The following GTF2F2 variants were observed in gnomAD, a reference collection of about 807,000 sequenced individuals.
GTF2F2 encodes the protein general transcription factor IIF subunit 2.
In GTF2F2, 23 loss-of-function variants were observed where a neutral mutation model predicts 42.2. The ratio of observed to expected loss-of-function variants is 0.55; its 90% CI spans 0.39 to 0.77. The LOEUF (loss-of-function observed/expected upper bound fraction) is 0.77. Among genes scored for constraint, GTF2F2 ranks in the 30% least tolerant of loss-of-function variants. The pLI is 0.00. For missense variants in GTF2F2, 261 were observed against 287.2 expected (o/e 0.91, Z 0.66); for synonymous variants, 105 against 100.8 (o/e 1.04, Z -0.25).
chr13:45,217,781 G>A (rs572904397), intron 5 of GTF2F2, among the ~76,000 whole-genome samples: 3 of 152,288 alleles, frequency 2.0e-5, no homozygotes, highest in Admixed American at 2.0e-4. Flanking sequence ...AATCAACAGG[G>A]TTAACCTTAG....
chr13:45,134,955 T>C (rs1035075144), intron 1 of GTF2F2, among the ~76,000 whole-genome samples: 8 of 145,592 alleles, frequency 5.5e-5, no homozygotes. Flanking sequence ...TTGTCTAACT[T>C]TTTTTTTTTT....
intron 5 of GTF2F2, among the ~76,000 whole-genome samples, chr13:45,226,230 G>C (rs1439917867): frequency 6.6e-6 from 1 of 151,974 alleles, no homozygotes; most frequent in African/African-American, 2.4e-5. Flanking sequence ...CTAACCAAAA[G>C]GAAATTTGAG....
intron 4 of GTF2F2, among the ~76,000 whole-genome samples, chr13:45,180,019 T>TC (rs34370635): frequency 6.6e-6 from 1 of 152,094 alleles, no homozygotes; most frequent in Non-Finnish European, 1.5e-5. Flanking sequence ...TTTTAAAAAC[T>TC]CCATGTTTTT....
chr13:45,199,473 A>T (rs1031948187), intron 4 of GTF2F2, among the ~76,000 whole-genome samples: 1 of 152,128 alleles, frequency 6.6e-6, no homozygotes, highest in African/African-American at 2.4e-5. Context: ...CCTGTGTTTT[A>T]TAATTTTGTA....
intron 5 of GTF2F2, among the ~76,000 whole-genome samples, chr13:45,235,017 C>T (rs2138224006): frequency 7.6e-6 from 1 of 131,054 alleles, no homozygotes; most frequent in Admixed American, 9.2e-5. Flanking sequence ...TGCACTCCAG[C>T]CTGGGCAACA....
chr13:45,219,183 T>C (rs1413438780), intron 5 of GTF2F2, among the ~76,000 whole-genome samples: 1 of 151,836 alleles, frequency 6.6e-6, no homozygotes, highest in Non-Finnish European at 1.5e-5. Flanking sequence ...AAAAATCTCA[T>C]TTCCTTTCTC....
chr13:45,275,852 G>A (rs1234524277), intron 7 of GTF2F2, among the ~76,000 whole-genome samples: 7 of 152,124 alleles, frequency 4.6e-5, no homozygotes, highest in Non-Finnish European at 8.8e-5. Flanking sequence ...GGTATTTCTA[G>A]TTCTAGATCC....
rs540733901 is a variant in GTF2F2, at chr13:45,267,385, A to G, written c.630+9A>G. ...TCACAAAGCAACCTGTGGTATGTAT[A>G]TGTTCATACTGATCCTTTGAATATG... On this transcript the variant is annotated intron_variant, in intron 7 of 7. Transcript: ENST00000340473. 5.1e-6 allele frequency: 8 copies of G among 1,566,058 alleles called. No homozygotes were observed. The highest frequency in any genetic ancestry group is 2.8e-5 in the African/African-American group (2 of 72,540).
chr13:45,167,239 T>A (rs1320320332), intron 4 of GTF2F2, among the ~76,000 whole-genome samples: 2 of 151,080 alleles, frequency 1.3e-5, no homozygotes, highest in African/African-American at 4.9e-5. Context: ...ACTATTTTTT[T>A]TTTTTTTTTT....
rs570895774 is a variant in GTF2F2 at position 45,230,332 on chromosome 13, C to T, written c.387-22539C>T. ...ATTCAGATACAAAGTACTGGAAAGG[C>T]AGAGGGTGTACTGGAAAGTACTGGA... is the stretch of plus-strand genomic sequence containing the variant. On this transcript the variant is annotated intron_variant, in intron 5 of 7. Coordinates refer to ENST00000340473, the MANE Select transcript of GTF2F2 (RefSeq NM_004128.3). 1.3e-3 allele frequency among the ~76,000 whole-genome samples: 193 copies of T among 152,154 alleles called. 1 individual carries two copies. Among genetic ancestry groups the T allele is most frequent in the Admixed American group, 2.6e-3 (40 of 15,292 alleles).
chr13:45,271,425 C>G (rs564447056), intron 7 of GTF2F2, among the ~76,000 whole-genome samples: 18 of 151,788 alleles, frequency 1.2e-4, no homozygotes, highest in African/African-American at 4.4e-4. Context: ...GCTCTGTCAC[C>G]CAGGCTAGAG....
intron 4 of GTF2F2, among the ~76,000 whole-genome samples, chr13:45,175,747 C>T (rs918400297): frequency 7.2e-5 from 11 of 152,104 alleles, no homozygotes; most frequent in Non-Finnish European, 1.3e-4. Context: ...CTCAGCCTCC[C>T]GAGTAGCTGG....
intron 7 of GTF2F2, among the ~76,000 whole-genome samples, chr13:45,273,532 G>C (rs1876890914): frequency 6.6e-6 from 1 of 151,930 alleles, no homozygotes; most frequent in African/African-American, 2.4e-5. Flanking sequence ...TATTTATATA[G>C]AATTTACGTT....
chr13:45,180,889 T>TGGTG (rs1002357338), intron 4 of GTF2F2, among the ~76,000 whole-genome samples: 3 of 151,938 alleles, frequency 2.0e-5, no homozygotes, highest in African/African-American at 7.3e-5. Flanking sequence ...GATCTGGGCG[T>TGGTG]GGTGGGTCAC....
intron 7 of GTF2F2, among the ~76,000 whole-genome samples, chr13:45,269,496 C>G (rs1229782224): frequency 2.0e-5 from 3 of 152,166 alleles, no homozygotes; most frequent in African/African-American, 7.2e-5. Context: ...CAAAGTCTAG[C>G]TCTCCCCCAA....
intron 4 of GTF2F2, among the ~76,000 whole-genome samples, chr13:45,163,983 G>A (rs774158135): frequency 6.6e-5 from 10 of 152,024 alleles, no homozygotes; most frequent in Non-Finnish European, 1.0e-4. Context: ...ACGAAACCCC[G>A]TCTCTACTGA....
At chr13:45,121,817 A>G (rs1449888644) in intron 1 of GTF2F2, among the ~76,000 whole-genome samples, 2 of 152,176 alleles carry the variant, frequency 1.3e-5, no homozygotes, top group African/African-American at 2.4e-5. Context: ...CACTCATTTG[A>G]CTTATTTCCA....
chr13:45,283,521 C>G lies in GTF2F2; in HGVS notation c.710C>G (p.Pro237Arg). Residue 237 changes from proline (P) to arginine (R), a missense_variant, in exon 8 of 8, where the codon CCA becomes CGA. Transcript: ENST00000340473. ...GIHKNTWELK[P>R]EYRHYQGEEK... is the part of the protein sequence containing the mutation. ...CACAAAAACACATGGGAGCTGAAGCCAGAGTACAGACACTATCAAGGAGAA... is the reference window on the plus strand; with the variant it reads ...CACAAAAACACATGGGAGCTGAAGCGAGAGTACAGACACTATCAAGGAGAA... 6.2e-7 allele frequency: 1 copy of G among 1,612,870 alleles called. No individual in the cohort carries two copies. The highest frequency in any genetic ancestry group is 8.5e-7 in the Non-Finnish European group (1 of 1,179,236).
intron 5 of GTF2F2, among the ~76,000 whole-genome samples, chr13:45,233,269 A>C (rs893783956): frequency 3.9e-5 from 6 of 152,186 alleles, no homozygotes; most frequent in Non-Finnish European, 8.8e-5. Context: ...TAAAAAAACA[A>C]TTTAAAATAA....
Sources: gnomAD v4.1 joint callset for allele counts (sites outside exome capture counted in the v4.1 genomes callset) on GRCh38, gnomAD v4.1.1 for gene constraint, MANE v1.5 for transcripts, NCBI Gene and HGNC (gene_info 2026-07-23, HGNC 2026-07-21) for gene names.